Variants in RFX2 observed in about 807,000 individuals in gnomAD.
The protein encoded by RFX2 is regulatory factor X2.
In RFX2, 20 loss-of-function variants were observed where a neutral mutation model predicts 87.8. The ratio of observed to expected loss-of-function variants is 0.23; its 90% CI spans 0.16 to 0.33. The LOEUF (loss-of-function observed/expected upper bound fraction) is 0.33. Ranked by LOEUF, RFX2 falls within the 10% of genes least tolerant of loss-of-function variation. The pLI, the probability that RFX2 is intolerant of heterozygous loss-of-function variation, is 1.00. For synonymous variants in RFX2, 397 were observed against 431.3 expected, an observed-to-expected ratio of 0.92 and a Z score of 0.98; for missense variants, 767 against 1,012.3, an observed-to-expected ratio of 0.76 and a Z score of 3.29.
At position 6,002,904 on chromosome 19, in the gene RFX2, G is replaced by C. The variant is rs775823852; in HGVS notation, c.1501-34C>G. On this transcript the variant is annotated intron_variant, in intron 13 of 17. Coordinates refer to ENST00000303657, the MANE Select transcript of RFX2 (RefSeq NM_000635.4). This position sits in a 1 kb window ranked among gnomAD's most constrained non-coding sequence, Gnocchi z 6.7. ...CAGGGCTCGTGGTGAGCAGGGGTTC[G>C]CAGGGAGAGCCTGTTCCGCTGCGCT... The C allele has an allele frequency of 3.8e-6, 6 of 1,582,050 alleles. No individual in the cohort carries two copies. Among genetic ancestry groups the C allele is most frequent in the Middle Eastern group, 1.8e-4 (1 of 5,526 alleles).
At chr19:6,099,847 C>T (rs986298628) in intron 1 of RFX2, among the ~76,000 whole-genome samples, 1 of 152,170 alleles carries the variant, frequency 6.6e-6, no homozygotes, top group Admixed American at 6.5e-5. Flanking sequence ...TTCTGTTCAC[C>T]CTCACTCCCA....
chr19:6,094,629 G>A (rs2144890120), intron 1 of RFX2, among the ~76,000 whole-genome samples: 2 of 152,286 alleles, frequency 1.3e-5, no homozygotes, highest in Middle Eastern at 6.8e-3. Context: ...CGGTATAGAA[G>A]CCAGGGCCAC....
At chr19:6,032,883 G>T (rs1477009466) in intron 5 of RFX2, among the ~76,000 whole-genome samples, 1 of 152,174 alleles carries the variant, frequency 6.6e-6, no homozygotes, top group Non-Finnish European at 1.5e-5. Flanking sequence ...TGACCTCCTG[G>T]GCTCAGGCCA....
chr19:6,046,565 A>G (rs952468600), intron 2 of RFX2, among the ~76,000 whole-genome samples: 1 of 139,932 alleles, frequency 7.1e-6, no homozygotes, highest in Admixed American at 7.0e-5. Flanking sequence ...TCCCCCCCCA[A>G]AAAAAAAAAA....
chr19:6,055,055 T>C (rs550205549), intron 1 of RFX2, among the ~76,000 whole-genome samples: 1 of 152,282 alleles, frequency 6.6e-6, no homozygotes, highest in South Asian at 2.1e-4. Context: ...AAAAAAATGG[T>C]ACTTCACAAA....
chr19:6,053,436 C>G (rs1438741432), intron 1 of RFX2, among the ~76,000 whole-genome samples: 1 of 152,114 alleles, frequency 6.6e-6, no homozygotes, highest in Non-Finnish European at 1.5e-5. Context: ...ATACATTTGT[C>G]CAAACCATAG....
At chr19:6,055,123 G>C (rs370866412) in intron 1 of RFX2, among the ~76,000 whole-genome samples, 1 of 152,144 alleles carries the variant, frequency 6.6e-6, no homozygotes, top group East Asian at 1.9e-4. Flanking sequence ...TTAGTCACTA[G>C]GGAAATGCAA....
At chr19:6,006,847 C>T (rs2086589323) in intron 12 of RFX2, among the ~76,000 whole-genome samples, 165 bp downstream of exon 12, 1 of 152,084 alleles carries the variant, frequency 6.6e-6, no homozygotes, top group Admixed American at 6.5e-5. Flanking sequence ...CTGCCTCAGC[C>T]TCCCATAGTG....
Position 6,039,952 on chromosome 19 carries a change from C to T in RFX2, c.522+28G>A. The T allele has an allele frequency of 1.3e-6, 2 of 1,525,416 alleles. No homozygotes were observed. 94.5% of individuals were successfully genotyped at this position (1,525,416 alleles called of 1,614,324 possible). ...GCTTCGAGAATACTCATGGCCTACC[C>T]TGCTGGTCCCAAGAGCCTCCTACAT... is the stretch of plus-strand genomic sequence containing the variant. On this transcript the variant is annotated intron_variant, in intron 5 of 17. Coordinates refer to ENST00000303657, the MANE Select transcript of RFX2 (RefSeq NM_000635.4). The surrounding 1 kb of genome is among the most constrained non-coding windows in gnomAD (Gnocchi z 5.2).
rs913303625 is a variant in RFX2 at position 6,016,211 on chromosome 19, G to C, written c.658C>G (p.Leu220Val). 13 of 1,614,072 alleles carry C rather than the reference G, an allele frequency of 8.1e-6. No individual in the cohort carries two copies. The highest frequency in any genetic ancestry group is 1.0e-5 in the Non-Finnish European group (12 of 1,179,922). ...AEGVSLPRSS[L>V]YNHYLRHCQE... The stretch of plus-strand genomic sequence containing the variant: ...CAGTGCCGAAGGTAGTGGTTGTAAA[G>C]AGAACTTCTGGGGAGACTCACACCT... The change falls in exon 7 of 18, where the codon CTT (leucine) becomes GTT (valine). Residue 220 changes from leucine (L) to valine (V), a missense_variant. Physicochemically the swap from Leu to Val is conservative, Grantham distance 32 (BLOSUM62 1). Around this residue, in one of 2 missense-constraint regions of RFX2, gnomAD observed 621 missense variants for 873.0 expected, o/e 0.71. Transcript: ENST00000303657. The surrounding 1 kb of genome is among the most constrained non-coding windows in gnomAD (Gnocchi z 5.4).
chr19:6,097,606 T>C (rs2088048650), intron 1 of RFX2, among the ~76,000 whole-genome samples: 1 of 151,684 alleles, frequency 6.6e-6, no homozygotes, highest in African/African-American at 2.4e-5. Flanking sequence ...TTATTATTAT[T>C]TTAGAGACAG....
chr19:6,004,271 A>C lies in RFX2; in HGVS notation c.1430T>G (p.Phe477Cys). The change falls in exon 13 of 18, where the codon TTT (phenylalanine) becomes TGT (cysteine). Residue 477 changes from phenylalanine to cysteine, a missense_variant. Transcript: ENST00000303657. The surrounding 1 kb of genome is among the most constrained non-coding windows in gnomAD (Gnocchi z 4.8). The stretch of plus-strand genomic sequence containing the variant: ...CAACCAGCCTTCCAAGCTCTTGGCA[A>C]AGTTACGGATGGCCTGTGTCAAGGT... ...PSTLTQAIRNFAKSLEGWLTN... is the reference protein window; with the variant it reads ...PSTLTQAIRNCAKSLEGWLTN... The C allele has an allele frequency of 6.2e-7, 1 of 1,613,898 alleles. No homozygotes were observed. The highest frequency in any genetic ancestry group is 1.3e-5 in the African/African-American group (1 of 75,026).
intron 17 of RFX2, 37 bp from the exon 18 acceptor site, chr19:5,994,987 G>C (rs2086385867): frequency 7.3e-6 from 11 of 1,503,958 alleles, no homozygotes; most frequent in Non-Finnish European, 1.0e-5. Flanking sequence ...TCCATCATCA[G>C]GAGGGCACGA....
chr19:6,009,525 G>A (rs1250003265), intron 9 of RFX2, among the ~76,000 whole-genome samples: 1 of 152,152 alleles, frequency 6.6e-6, no homozygotes, highest in Non-Finnish European at 1.5e-5. Flanking sequence ...AGAAAGCCCA[G>A]ATAGCAGGCA....
Position 6,040,276 on chromosome 19 carries a change from G to C in RFX2, c.261-35C>G, listed in dbSNP as rs1599875314. ...AGAGAGAAGTCACGCATGGGACGCT[G>C]TCCCATTTAAATGCCTTGTCTGAGT... On this transcript the variant is annotated intron_variant, in intron 4 of 17. Transcript: ENST00000303657. This position sits in a 1 kb window ranked among gnomAD's most constrained non-coding sequence, Gnocchi z 6.1. The C allele has an allele frequency of 6.7e-7, 1 of 1,493,886 alleles. No homozygotes were observed. Among genetic ancestry groups the C allele is most frequent in the Non-Finnish European group, 9.0e-7 (1 of 1,117,160 alleles). The allele number at this position is 1,493,886 out of a possible 1,614,324, so 92.5% of individuals were successfully genotyped here.
Position 5,997,299 on chromosome 19 carries a change from C to T in RFX2, c.1860-86G>A. 7.2e-7 allele frequency: 1 copy of T among 1,383,106 alleles called. No individual in the cohort carries two copies. The highest frequency in any genetic ancestry group is 9.6e-7 in the Non-Finnish European group (1 of 1,038,854). The allele number at this position is 1,383,106 out of a possible 1,614,324, so 85.7% of individuals were successfully genotyped here. A position where few individuals can be genotyped will look rare whatever the true frequency, so the allele number is the denominator to read the frequency against. The stretch of plus-strand genomic sequence containing the variant: ...CCAGACTTCATGGCAGCAACACACC[C>T]CCTGCTCTACGTTCCCTGGGGAACC... On this transcript the variant is annotated intron_variant, in intron 15 of 17. Transcript: ENST00000303657. The surrounding 1 kb of genome is among the most constrained non-coding windows in gnomAD (Gnocchi z 4.2).
In RFX2 at chr19:6,047,447, C is replaced by G; in HGVS notation, c.50G>C (p.Arg17Pro). Residue 17 changes from arginine (R) to proline (P), a missense_variant, in exon 2 of 18, where the codon CGT (arginine) becomes CCT (proline). Physicochemically the swap from Arg to Pro is moderately radical, Grantham distance 103. Coordinates refer to ENST00000303657, the MANE Select transcript of RFX2 (RefSeq NM_000635.4). This position sits in a 1 kb window ranked among gnomAD's most constrained non-coding sequence, Gnocchi z 4.2. ...CACAGGCGGGGCTGCCGCCGAGGGA[C>G]GCAGAGCCACGGACGCTGGCGAATC... ...GADSPASVAL[R>P]PSAAAPPVPA... 1.2e-6 allele frequency: 2 copies of G among 1,604,690 alleles called. No homozygotes were observed. Among genetic ancestry groups the G allele is most frequent in the Non-Finnish European group, 1.7e-6 (2 of 1,175,780 alleles).
At chr19:6,049,011 C>T (rs1233084493) in intron 1 of RFX2, 2 of 152,140 alleles carry the variant, frequency 1.3e-5, no homozygotes, top group Non-Finnish European at 2.9e-5. Context: ...CGGTGATTGG[C>T]TGGGGCGTTA....
Position 6,016,715 on chromosome 19 carries a change from A to G in RFX2, c.598-444T>C, listed in dbSNP as rs2086730519. On this transcript the variant is annotated intron_variant, in intron 6 of 17. Coordinates refer to ENST00000303657, the MANE Select transcript of RFX2 (RefSeq NM_000635.4). This position sits in a 1 kb window ranked among gnomAD's most constrained non-coding sequence, Gnocchi z 5.4. The stretch of plus-strand genomic sequence containing the variant: ...CAGAAATCCATCTTTATGGTCACTG[A>G]TTTGAGTTCTCTAAGCAGATTAATG... Among the ~76,000 whole-genome samples, 1 of 152,196 alleles carries G rather than the reference A, an allele frequency of 6.6e-6. No individual in the cohort carries two copies. Among genetic ancestry groups the G allele is most frequent in the Non-Finnish European group, 1.5e-5 (1 of 68,032 alleles).
Sources: allele counts gnomAD v4.1 joint callset (sites outside exome capture counted in the v4.1 genomes callset), GRCh38; gene constraint gnomAD v4.1.1; regional missense constraint gnomAD v4.1.1; non-coding constraint Gnocchi (gnomAD v3.1); transcripts MANE v1.5; gene names NCBI Gene and HGNC (gene_info 2026-07-23, HGNC 2026-07-21).